The following PLEKHA5 variants were observed in gnomAD, a reference collection of about 807,000 sequenced individuals.
PLEKHA5 encodes the protein pleckstrin homology domain-containing family A member 5.
A neutral mutation model predicts 181.9 loss-of-function variants in PLEKHA5; 55 were observed. That is an observed-to-expected ratio of 0.30 (90% CI 0.24 to 0.38). The LOEUF is 0.38. PLEKHA5 is among the 10% of genes least tolerant of loss of function. The probability of loss-of-function intolerance (pLI) is 1.00; values close to 1 mark genes in which losing one functional copy is unlikely to be tolerated. For missense variants in PLEKHA5, 1,432 were observed against 1,549.5 expected (o/e 0.92, Z 1.27); for synonymous variants, 535 against 529.4 (o/e 1.01, Z -0.15).
At chr12:19,333,610 CT>C (rs372554935) in intron 20 of PLEKHA5, among the ~76,000 whole-genome samples, 38 of 129,042 alleles carry the variant, frequency 2.9e-4, no homozygotes, top group Admixed American at 4.1e-4. Flanking sequence ...CATTCATTCT[CT>C]TTTTTTTTTT....
intron 15 of PLEKHA5, among the ~76,000 whole-genome samples, chr12:19,292,639 A>G (rs1185965500): frequency 6.6e-6 from 1 of 151,744 alleles, no homozygotes; most frequent in Non-Finnish European, 1.5e-5. Context: ...TGAATGTTCA[A>G]AAGTGAAAAT....
At position 19,322,668 on chromosome 12, in the gene PLEKHA5, G is replaced by C; in HGVS notation, c.2448+1G>C. On this transcript the variant is annotated splice_donor_variant, in intron 20 of 31. Coordinates refer to ENST00000429027, the MANE Select transcript of PLEKHA5 (RefSeq NM_001256470.2). LOFTEE classifies it high-confidence loss of function. ...TCGAGAACTTTCTCGAGCCACTGCC[G>C]TAAGTAGATTTTTTTTTTCCCCTAA... 1 of 1,599,048 alleles carries C rather than the reference G, an allele frequency of 6.3e-7. No individual in the cohort carries two copies. Among genetic ancestry groups the C allele is most frequent in the South Asian group, 1.1e-5 (1 of 87,424 alleles).
At chr12:19,352,177 A>C (rs561115137) in intron 25 of PLEKHA5, among the ~76,000 whole-genome samples, 12 of 151,698 alleles carry the variant, frequency 7.9e-5, no homozygotes, top group African/African-American at 2.7e-4. Flanking sequence ...TGAGCCCAAG[A>C]GTTCAAGACC....
At chr12:19,290,003 C>T (rs186229248) in intron 13 of PLEKHA5, among the ~76,000 whole-genome samples, 2,019 of 152,010 alleles carry the variant, frequency 0.013, 31 homozygotes, top group Non-Finnish European at 0.022. Flanking sequence ...AATGCAATGG[C>T]GTGATCTCGG....
chr12:19,307,614 T>A (rs942190963), intron 15 of PLEKHA5: 2 of 326,716 alleles, frequency 6.1e-6, no homozygotes, highest in East Asian at 1.7e-4. Flanking sequence ...CTAGACACAG[T>A]CAAGGAGCAG....
At chr12:19,170,655 T>C (rs1477075115) in intron 3 of PLEKHA5, among the ~76,000 whole-genome samples, 1 of 152,248 alleles carries the variant, frequency 6.6e-6, no homozygotes, top group Non-Finnish European at 1.5e-5. Flanking sequence ...CTTGACCTCG[T>C]GATCCGCCTG....
At chr12:19,134,955 A>G (rs1432297796) in intron 3 of PLEKHA5, among the ~76,000 whole-genome samples, 1 of 152,036 alleles carries the variant, frequency 6.6e-6, no homozygotes, top group African/African-American at 2.4e-5. Flanking sequence ...AAAGGTGGTT[A>G]TTGATCAAAT....
At chr12:19,180,571 C>G (rs574169713) in intron 3 of PLEKHA5, among the ~76,000 whole-genome samples, 1 of 152,082 alleles carries the variant, frequency 6.6e-6, no homozygotes, top group East Asian at 1.9e-4. Context: ...TTTTGATGCA[C>G]AAATAATTTT....
At chr12:19,185,318 A>G (rs1412837595) in intron 3 of PLEKHA5, among the ~76,000 whole-genome samples, 2 of 152,128 alleles carry the variant, frequency 1.3e-5, no homozygotes, top group African/African-American at 4.8e-5. Flanking sequence ...TGATCCTGTC[A>G]TTGACCAGGG....
chr12:19,246,396 G>A (rs185520953), intron 3 of PLEKHA5, among the ~76,000 whole-genome samples: 2 of 151,830 alleles, frequency 1.3e-5, no homozygotes, highest in East Asian at 3.9e-4. Context: ...ATGCTGAGGT[G>A]GGTGGATCAT....
intron 3 of PLEKHA5, among the ~76,000 whole-genome samples, chr12:19,141,592 C>A (rs2037323337): frequency 6.6e-6 from 1 of 152,150 alleles, no homozygotes; most frequent in African/African-American, 2.4e-5. Context: ...TTCAGGGAAG[C>A]TTTTTGCCTT....
At chr12:19,281,391 A>G (rs1408020794) in intron 11 of PLEKHA5, among the ~76,000 whole-genome samples, 4 of 152,050 alleles carry the variant, frequency 2.6e-5, no homozygotes, top group African/African-American at 9.7e-5. Flanking sequence ...GCCCTGGGCA[A>G]CATGGCAAAA....
At chr12:19,306,967 C>A in intron 15 of PLEKHA5, 1 of 1,333,492 alleles carries the variant, frequency 7.5e-7, no homozygotes, top group African/African-American at 1.5e-5. Context: ...TCCTAACCCA[C>A]TTACTCAGAC....
At chr12:19,200,282 A>T (rs2053900676) in intron 3 of PLEKHA5, 1 of 1,430,702 alleles carries the variant, frequency 7.0e-7, no homozygotes, top group South Asian at 1.2e-5. Context: ...ATAAAAAAAA[A>T]TTTAAACATT....
At chr12:19,151,657 T>C (rs1439944728) in intron 3 of PLEKHA5, 1 of 152,154 alleles carries the variant, frequency 6.6e-6, no homozygotes, top group Admixed American at 6.5e-5. Context: ...TTAAGTATTT[T>C]TTTATTAGAA....
chr12:19,133,501 A>G (rs765513831), intron 3 of PLEKHA5, among the ~76,000 whole-genome samples: 4 of 152,166 alleles, frequency 2.6e-5, no homozygotes, highest in Middle Eastern at 3.4e-3. Context: ...TTTATAAACA[A>G]TAACAGATAC....
At chr12:19,256,869 C>T (rs1302512171) in intron 5 of PLEKHA5, among the ~76,000 whole-genome samples, 1 of 152,068 alleles carries the variant, frequency 6.6e-6, no homozygotes, top group African/African-American at 2.4e-5. Context: ...CAGTAAACCC[C>T]ATCTGTCTAG....
At chr12:19,182,544 T>G (rs565351170) in intron 3 of PLEKHA5, among the ~76,000 whole-genome samples, 1 of 152,312 alleles carries the variant, frequency 6.6e-6, no homozygotes, top group South Asian at 2.1e-4. Flanking sequence ...TACTTTTAAT[T>G]TGAGTACTCT....
chr12:19,281,331 CT>C (rs1258847646), intron 11 of PLEKHA5, among the ~76,000 whole-genome samples: 1 of 151,778 alleles, frequency 6.6e-6, no homozygotes. Context: ...AATCCTGGCA[CT>C]TTAGGAGGCT....
Sources: gnomAD v4.1 joint callset for allele counts (sites outside exome capture counted in the v4.1 genomes callset) on GRCh38, gnomAD v4.1.1 for gene constraint, MANE v1.5 for transcripts, NCBI Gene and HGNC (gene_info 2026-07-23, HGNC 2026-07-21) for gene names.